Variants in DGKB observed in about 807,000 individuals in gnomAD.
The protein encoded by DGKB is diacylglycerol kinase beta, also known as 90 kDa diacylglycerol kinase.
In DGKB, 67 loss-of-function variants were observed where a neutral mutation model predicts 114.3. The observed-to-expected ratio is 0.59, with a 90% CI of 0.48 to 0.72. The LOEUF (loss-of-function observed/expected upper bound fraction) is 0.72, where lower values mean the gene tolerates loss of function less well. DGKB is among the 30% of genes least tolerant of loss of function. DGKB has a pLI of 0.00. For synonymous variants in DGKB, 398 were observed against 323.1 expected, an observed-to-expected ratio of 1.23 and a Z score of -2.49; for missense variants, 907 against 975.2, an observed-to-expected ratio of 0.93 and a Z score of 0.93.
intron 1 of DGKB, among the ~76,000 whole-genome samples, chr7:14,871,173 G>T (rs967136567): frequency 6.6e-6 from 1 of 151,932 alleles, no homozygotes; most frequent in African/African-American, 2.4e-5. Flanking sequence ...TGATGTTTTG[G>T]TACACATATA....
chr7:14,334,786 GA>G (rs1332682310), intron 23 of DGKB, among the ~76,000 whole-genome samples: 13 of 152,136 alleles, frequency 8.5e-5, no homozygotes, highest in African/African-American at 3.1e-4. Context: ...TAATTCAGAA[GA>G]GGGGGAGGAA....
chr7:14,480,119 A>G (rs1486322635), intron 20 of DGKB, among the ~76,000 whole-genome samples: 3 of 151,986 alleles, frequency 2.0e-5, no homozygotes, highest in South Asian at 4.1e-4. Context: ...GAATAGAGAA[A>G]GGGAGAGAGG....
chr7:14,852,816 AT>A (rs1239660861), intron 1 of DGKB, among the ~76,000 whole-genome samples: 1 of 152,122 alleles, frequency 6.6e-6, no homozygotes, highest in African/African-American at 2.4e-5. Context: ...AAATTGATAA[AT>A]TTATCTTTAT....
intron 20 of DGKB, among the ~76,000 whole-genome samples, chr7:14,497,116 A>T (rs1437259695): frequency 6.6e-6 from 1 of 151,830 alleles, no homozygotes; most frequent in South Asian, 2.1e-4. Context: ...GTTCTTATTT[A>T]TAAGTGGGAG....
chr7:14,786,254 C>G (rs17168430), intron 2 of DGKB, among the ~76,000 whole-genome samples: 8,990 of 152,180 alleles, frequency 0.059, 385 homozygotes, highest in Admixed American at 0.11. Flanking sequence ...CTAACTAATC[C>G]TAACTGGTTA....
At chr7:14,769,070 TAAGAAAGA>T (rs5882458) in intron 2 of DGKB, among the ~76,000 whole-genome samples, 3,512 of 84,262 alleles carry the variant, frequency 0.042, 70 homozygotes, top group Middle Eastern at 0.088. Flanking sequence ...TTTTTAAAGA[TAAGAAAGA>T]AAGAAAGAAA....
At chr7:14,907,511 T>C (rs1783771315), upstream of DGKB, among the ~76,000 whole-genome samples, 1 of 152,244 alleles carries the variant, frequency 6.6e-6, no homozygotes, top group Non-Finnish European at 1.5e-5. Flanking sequence ...CATAGCACAG[T>C]GCCTGGCAGC....
intron 23 of DGKB, among the ~76,000 whole-genome samples, chr7:14,281,565 TCAG>T (rs1313283902): frequency 2.2e-4 from 33 of 147,770 alleles, no homozygotes; most frequent in African/African-American, 8.1e-4. Context: ...TACATTTTTT[TCAG>T]CACCACACCA....
intron 23 of DGKB, among the ~76,000 whole-genome samples, chr7:14,321,754 G>T (rs1807861406): frequency 6.6e-6 from 1 of 151,994 alleles, no homozygotes; most frequent in African/African-American, 2.4e-5. Context: ...GTGTATTTTG[G>T]TACAACAAAA....
intron 12 of DGKB, among the ~76,000 whole-genome samples, chr7:14,674,717 G>A (rs1396447807): frequency 6.6e-6 from 1 of 151,922 alleles, no homozygotes; most frequent in African/African-American, 2.4e-5. Flanking sequence ...GGCACAGAGA[G>A]GAGAAGTCCC....
intron 21 of DGKB, among the ~76,000 whole-genome samples, chr7:14,453,932 T>C (rs996965692): frequency 6.6e-6 from 1 of 152,202 alleles, no homozygotes; most frequent in African/African-American, 2.4e-5. Flanking sequence ...AGTATGTATA[T>C]CTTGCTTTGT....
intron 25 of DGKB, among the ~76,000 whole-genome samples, chr7:14,161,407 C>A (rs1403425604): frequency 6.6e-6 from 1 of 152,136 alleles, no homozygotes; most frequent in Non-Finnish European, 1.5e-5. Flanking sequence ...AGACTTGGAA[C>A]CAACACACAT....
intron 20 of DGKB, among the ~76,000 whole-genome samples, chr7:14,526,062 AT>A (rs1790590615): frequency 6.6e-6 from 1 of 152,136 alleles, no homozygotes; most frequent in Non-Finnish European, 1.5e-5. Context: ...ACATGTAAAT[AT>A]TTTCCCAAAA....
chr7:14,212,567 C>G (rs1017361150), intron 23 of DGKB, among the ~76,000 whole-genome samples: 17 of 152,160 alleles, frequency 1.1e-4, no homozygotes, highest in African/African-American at 3.6e-4. Flanking sequence ...CTTCACTATA[C>G]TTTTTCCTTA....
chr7:14,220,755 A>T (rs1252928917), intron 23 of DGKB, among the ~76,000 whole-genome samples: 1 of 151,494 alleles, frequency 6.6e-6, no homozygotes, highest in Non-Finnish European at 1.5e-5. Flanking sequence ...ATCCATGAAC[A>T]CAAGATGTTT....
chr7:14,958,287 C>T (rs866356734), intron 1 of DGKB, among the ~76,000 whole-genome samples: 10 of 152,058 alleles, frequency 6.6e-5, no homozygotes, highest in Middle Eastern at 3.4e-3. Context: ...TGAGGAAGGG[C>T]TCATCCCTTG....
intron 2 of DGKB, among the ~76,000 whole-genome samples, chr7:14,796,804 T>A (rs1479110766): frequency 6.6e-6 from 1 of 152,058 alleles, no homozygotes; most frequent in African/African-American, 2.4e-5. Context: ...ACCATGACAA[T>A]GTTCCTGGTC....
At chr7:14,843,227 A>AAG (rs1450870980) in intron 1 of DGKB, among the ~76,000 whole-genome samples, 1 of 151,978 alleles carries the variant, frequency 6.6e-6, no homozygotes, top group East Asian at 1.9e-4. Context: ...AAAAAAAAAA[A>AAG]AAAGGATTAA....
intron 25 of DGKB, among the ~76,000 whole-genome samples, chr7:14,149,732 G>A (rs1350457731): frequency 6.6e-6 from 1 of 151,954 alleles, no homozygotes; most frequent in African/African-American, 2.4e-5. Flanking sequence ...TGAACTGCAA[G>A]GCTTAATTTC....
Sources: gnomAD v4.1 joint callset for allele counts (sites outside exome capture counted in the v4.1 genomes callset) on GRCh38, gnomAD v4.1.1 for gene constraint, MANE v1.5 for transcripts, NCBI Gene and HGNC (gene_info 2026-07-23, HGNC 2026-07-21) for gene names.